WDR25: variants seen among roughly 807,000 people sequenced by gnomAD.
The protein encoded by WDR25 is WD repeat domain 25.
A neutral mutation model predicts 47.7 loss-of-function variants in WDR25; 35 were observed. The observed-to-expected ratio is 0.73, with a 90% CI of 0.56 to 0.97. The LOEUF (loss-of-function observed/expected upper bound fraction) is 0.97. Among genes scored for constraint, WDR25 ranks in the 50% least tolerant of loss-of-function variants. WDR25 has a pLI of 0.00. For missense variants in WDR25, 634 were observed against 704.7 expected, an observed-to-expected ratio of 0.90 and a Z score of 1.14; for synonymous variants, 248 against 278.9, an observed-to-expected ratio of 0.89 and a Z score of 1.10.
Position 100,488,556 on chromosome 14 carries a change from C to A in WDR25, c.1101+4432C>A, listed in dbSNP as rs1288984755. Among the ~76,000 whole-genome samples, 1 of 152,126 alleles carries A rather than the reference C, an allele frequency of 6.6e-6. No homozygotes were observed. Among genetic ancestry groups the A allele is most frequent in the Non-Finnish European group, 1.5e-5 (1 of 68,024 alleles). On this transcript the variant is annotated intron_variant, in intron 4 of 6. Coordinates refer to ENST00000402312, the MANE Select transcript of WDR25 (RefSeq NM_001161476.3). This position sits in a 1 kb window ranked among gnomAD's most constrained non-coding sequence, Gnocchi z 4.2. ...TCGTAAAGTGGCAGGCCAAGCCACG[C>A]CTCCAAAGTAGCGTTTCTCAAACTC...
rs916384969 is a variant in WDR25, at chr14:100,384,025, G to A, written c.822+2279G>A. Among the ~76,000 whole-genome samples, 33 of 152,246 alleles carry A rather than the reference G, an allele frequency of 2.2e-4. 1 individual carries two copies. Among genetic ancestry groups the A allele is most frequent in the African/African-American group, 7.5e-4 (31 of 41,464 alleles). On this transcript the variant is annotated intron_variant, in intron 2 of 6. Transcript: ENST00000402312. ...CGCCGCAGCTGTGCCCGCCTGTCCC[G>A]AGGAGACTGTGTGTGCTGCAGGTGA... is the stretch of plus-strand genomic sequence containing the variant.
At chr14:100,493,696 G>A (rs1488854240) in intron 4 of WDR25, among the ~76,000 whole-genome samples, 4 of 152,132 alleles carry the variant, frequency 2.6e-5, no homozygotes, top group African/African-American at 9.7e-5. Flanking sequence ...CATTCTATGG[G>A]TTTGGACAAA....
chr14:100,380,656 G>A lies in WDR25; in HGVS notation c.-15-254G>A, dbSNP rs142558361. Among the ~76,000 whole-genome samples, 1,427 of 151,760 alleles carry A rather than the reference G, an allele frequency of 9.4e-3. 21 individuals are homozygous for A. The highest frequency in any genetic ancestry group is 0.033 in the African/African-American group (1,361 of 41,382). On this transcript the variant is annotated intron_variant, in intron 1 of 6. Coordinates refer to ENST00000402312, the MANE Select transcript of WDR25 (RefSeq NM_001161476.3). Reference sequence around the variant, plus strand: ...CTACAGGTGCCTGCCACCCTGCCTCGCTACTTTTTGTATTTTTAGTAGAGA... The same window carrying A: ...CTACAGGTGCCTGCCACCCTGCCTCACTACTTTTTGTATTTTTAGTAGAGA...
At position 100,529,546 on chromosome 14, in the gene WDR25, G is replaced by A; in HGVS notation, c.1414-274G>A. ...GGCCAAGCCTTGCTGGGGTGGAAGG[G>A]GCTGGGTGCTTAGTGACTGTCACTG... On this transcript the variant is annotated intron_variant, in intron 6 of 6. Transcript: ENST00000402312. This position sits in a 1 kb window ranked among gnomAD's most constrained non-coding sequence, Gnocchi z 5.1. 1 of 592,478 alleles carries A rather than the reference G, an allele frequency of 1.7e-6. No homozygotes were observed. Among genetic ancestry groups the A allele is most frequent in the South Asian group, 2.0e-5 (1 of 48,918 alleles). 36.7% of individuals were successfully genotyped at this position (592,478 alleles called of 1,614,324 possible).
intron 4 of WDR25, among the ~76,000 whole-genome samples, chr14:100,515,059 G>A (rs556897829): frequency 6.6e-6 from 1 of 152,254 alleles, no homozygotes; most frequent in Admixed American, 6.5e-5. Context: ...TGTTTCCAAT[G>A]AGAAGTCTGC....
chr14:100,391,847 G>A (rs1897152772), intron 2 of WDR25, among the ~76,000 whole-genome samples: 1 of 152,162 alleles, frequency 6.6e-6, no homozygotes, highest in Non-Finnish European at 1.5e-5. Flanking sequence ...TAATACCTAG[G>A]AGTTATTTGC....
intron 2 of WDR25, among the ~76,000 whole-genome samples, chr14:100,422,914 G>A (rs1898067961): frequency 6.6e-6 from 1 of 152,166 alleles, no homozygotes; most frequent in Admixed American, 6.5e-5. Flanking sequence ...GGCTTATGAT[G>A]TCAATTTTTC....
intron 2 of WDR25, among the ~76,000 whole-genome samples, chr14:100,406,255 G>C (rs1297817952): frequency 6.6e-6 from 1 of 152,186 alleles, no homozygotes; most frequent in East Asian, 1.9e-4. Flanking sequence ...AATATTGATG[G>C]TGTGGGTTTG....
rs1230383339 is a variant in WDR25, at chr14:100,488,268, G to A, written c.1101+4144G>A. ...ACTTACTTGAAACTGGCTTCCTGCC[G>A]CTGCTGCAGCATCCTCTGACCCCTC... On this transcript the variant is annotated intron_variant, in intron 4 of 6. Transcript: ENST00000402312. This position sits in a 1 kb window ranked among gnomAD's most constrained non-coding sequence, Gnocchi z 4.2. 1.3e-5 allele frequency among the ~76,000 whole-genome samples: 2 copies of A among 152,132 alleles called. No individual in the cohort carries two copies. Among genetic ancestry groups the A allele is most frequent in the East Asian group, 1.9e-4 (1 of 5,190 alleles).
rs143646972 is a variant in WDR25 at position 100,383,780 on chromosome 14, C to G, written c.822+2034C>G. 2.1e-3 allele frequency among the ~76,000 whole-genome samples: 315 copies of G among 152,352 alleles called. 3 individuals are homozygous for G. The highest frequency in any genetic ancestry group is 2.5e-3 in the Non-Finnish European group (169 of 68,040). ...GACAAATGTGCCAGGCACGGTGCCA[C>G]TGGGGACGTGGGGGGAGAGACGTTT... On this transcript the variant is annotated intron_variant, in intron 2 of 6. Transcript: ENST00000402312.
At chr14:100,465,332 A>T (rs1323526285) in intron 2 of WDR25, among the ~76,000 whole-genome samples, 1 of 152,158 alleles carries the variant, frequency 6.6e-6, no homozygotes, top group East Asian at 1.9e-4. Context: ...TGGAAAACTG[A>T]AACTCTGTCC....
intron 4 of WDR25, among the ~76,000 whole-genome samples, chr14:100,497,870 G>T (rs1225680586): frequency 6.6e-6 from 1 of 152,148 alleles, no homozygotes; most frequent in Admixed American, 6.5e-5. Flanking sequence ...AGCCTGGGTT[G>T]TAGCCCCTGG....
chr14:100,413,373 C>T (rs1167821019), intron 2 of WDR25, among the ~76,000 whole-genome samples: 2 of 151,872 alleles, frequency 1.3e-5, no homozygotes, highest in African/African-American at 4.8e-5. Context: ...CTGCTTCTCT[C>T]ATTGTAGGTT....
intron 4 of WDR25, among the ~76,000 whole-genome samples, chr14:100,519,520 T>C (rs1288303967): frequency 6.6e-6 from 1 of 151,500 alleles, no homozygotes; most frequent in Admixed American, 6.6e-5. Context: ...TATATGTATA[T>C]ATGATTCATT....
rs2029972554 is a variant in WDR25, at chr14:100,523,703, G to T, written c.1102-2167G>T. Among the ~76,000 whole-genome samples, 1 of 152,106 alleles carries T rather than the reference G, an allele frequency of 6.6e-6. No individual in the cohort carries two copies. Among genetic ancestry groups the T allele is most frequent in the African/African-American group, 2.4e-5 (1 of 41,418 alleles). On this transcript the variant is annotated intron_variant, in intron 4 of 6. Coordinates refer to ENST00000402312, the MANE Select transcript of WDR25 (RefSeq NM_001161476.3). The surrounding 1 kb of genome is among the most constrained non-coding windows in gnomAD (Gnocchi z 4.7). ...CCCAGGTTTGCTGGTGGGCCGAGTGGTGGGCAGATTGTAGGGACATAACCC... is the reference window on the plus strand; with the variant it reads ...CCCAGGTTTGCTGGTGGGCCGAGTGTTGGGCAGATTGTAGGGACATAACCC...
Position 100,381,110 on chromosome 14 carries a change from A to T in WDR25, c.186A>T (p.Ala62=). 6.2e-7 allele frequency: 1 copy of T among 1,614,218 alleles called. No individual in the cohort carries two copies. The highest frequency in any genetic ancestry group is 8.5e-7 in the Non-Finnish European group (1 of 1,180,044). ...SGTLDVPKAG[A]QPTKHGSCED... ...CACTGGATGTGCCCAAAGCAGGGGCACAGCCCACAAAGCATGGCTCCTGTG... is the reference window on the plus strand; with the variant it reads ...CACTGGATGTGCCCAAAGCAGGGGCTCAGCCCACAAAGCATGGCTCCTGTG... The change falls in exon 2 of 7, where the codon GCA becomes GCT. Residue 62 remains alanine (A), a synonymous_variant. Coordinates refer to ENST00000402312, the MANE Select transcript of WDR25 (RefSeq NM_001161476.3).
intron 4 of WDR25, among the ~76,000 whole-genome samples, chr14:100,491,463 A>G (rs761551771): frequency 6.6e-6 from 1 of 152,228 alleles, no homozygotes; most frequent in Non-Finnish European, 1.5e-5. Context: ...TGAAGCTGAA[A>G]AATTCCTGTC....
intron 3 of WDR25, among the ~76,000 whole-genome samples, chr14:100,480,461 G>A (rs908934221): frequency 6.6e-6 from 1 of 152,000 alleles, no homozygotes; most frequent in African/African-American, 2.4e-5. Context: ...GCCCCTAGAA[G>A]ATACTAGAAA....
intron 2 of WDR25, among the ~76,000 whole-genome samples, chr14:100,410,123 A>G (rs1897663296): frequency 6.6e-6 from 1 of 152,190 alleles, no homozygotes; most frequent in Non-Finnish European, 1.5e-5. Context: ...GGAGACAGTC[A>G]AAGCTCTATT....
Sources: allele counts gnomAD v4.1 joint callset (sites outside exome capture counted in the v4.1 genomes callset), GRCh38; gene constraint gnomAD v4.1.1; non-coding constraint Gnocchi (gnomAD v3.1); transcripts MANE v1.5; gene names NCBI Gene and HGNC (gene_info 2026-07-23, HGNC 2026-07-21).